PALM2AKAP2: variants seen among roughly 807,000 people sequenced by gnomAD.
PALM2AKAP2 encodes PALM2 and AKAP2 fusion.
A neutral mutation model predicts 71.5 loss-of-function variants in PALM2AKAP2; 37 were observed. The observed-to-expected ratio is 0.52, with a 90% CI of 0.40 to 0.68. The LOEUF (loss-of-function observed/expected upper bound fraction) is 0.68. Ranked by LOEUF, PALM2AKAP2 falls within the 30% of genes least tolerant of loss-of-function variation. The pLI, the probability that PALM2AKAP2 is intolerant of heterozygous loss-of-function variation, is 0.00. For synonymous variants in PALM2AKAP2, 468 were observed against 478.8 expected (o/e 0.98, Z 0.29); for missense variants, 1,224 against 1,191.8 (o/e 1.03, Z -0.40).
intron 1 of PALM2AKAP2, among the ~76,000 whole-genome samples, chr9:109,780,837 T>C (rs1432691430): frequency 6.6e-6 from 1 of 152,156 alleles, no homozygotes; most frequent in Non-Finnish European, 1.5e-5. Flanking sequence ...TCCAGGAATA[T>C]TATGACCGAA....
At position 109,764,806 on chromosome 9, in the gene PALM2AKAP2, G is replaced by T. The variant is rs535163188; in HGVS notation, c.6-15682G>T. 2.8e-5 allele frequency among the ~76,000 whole-genome samples: 3 copies of T among 106,238 alleles called. No homozygotes were observed. In the South Asian group the frequency reaches 1.1e-3, roughly 38 times the overall value. 69.7% of individuals were successfully genotyped at this position (106,238 alleles called of 152,430 possible). A position where few individuals can be genotyped will look rare whatever the true frequency, so the allele number is the denominator to read the frequency against. On this transcript the variant is annotated intron_variant, in intron 1 of 6. Coordinates refer to the PALM2AKAP2 transcript ENST00000374531. Reference sequence around the variant, plus strand: ...TGGGTAGATGAATGAACGGATAAAGGGATGAATATTTTTTAAAAAAAAGAA... The same window carrying T: ...TGGGTAGATGAATGAACGGATAAAGTGATGAATATTTTTTAAAAAAAAGAA...
At chr9:110,034,091 C>T (rs1287626381) in intron 7 of PALM2AKAP2, among the ~76,000 whole-genome samples, 3 of 152,200 alleles carry the variant, frequency 2.0e-5, no homozygotes, top group East Asian at 3.8e-4. Flanking sequence ...GTCCCCTAAC[C>T]ACAGTGCCAG....
chr9:109,684,081 G>A (rs577552751), intron 1 of PALM2AKAP2, among the ~76,000 whole-genome samples: 4 of 152,202 alleles, frequency 2.6e-5, no homozygotes, highest in African/African-American at 7.2e-5. Flanking sequence ...TTCTTTGCTT[G>A]TAGAAAGGGG....
At chr9:110,165,571 G>T (rs185527109) in intron 3 of PALM2AKAP2, among the ~76,000 whole-genome samples, 1 of 152,252 alleles carries the variant, frequency 6.6e-6, no homozygotes, top group East Asian at 1.9e-4. Flanking sequence ...GTAAGTGATT[G>T]TATGACCATG....
At chr9:109,715,781 A>G (rs1323535801) in intron 1 of PALM2AKAP2, among the ~76,000 whole-genome samples, 1 of 152,166 alleles carries the variant, frequency 6.6e-6, no homozygotes. Flanking sequence ...AGCCTATTTC[A>G]TATCCATTAG....
chr9:109,976,194 G>T (rs974296400), intron 6 of PALM2AKAP2, among the ~76,000 whole-genome samples: 2 of 152,188 alleles, frequency 1.3e-5, no homozygotes, highest in Non-Finnish European at 2.9e-5. Context: ...ACTACAGAGT[G>T]CCAGGCACTA....
At chr9:110,056,866 G>A (rs1266574079) in intron 1 of PALM2AKAP2, among the ~76,000 whole-genome samples, 3 of 152,174 alleles carry the variant, frequency 2.0e-5, no homozygotes, top group Non-Finnish European at 4.4e-5. Flanking sequence ...TTTATGGTAT[G>A]TTTCATTATC....
intron 1 of PALM2AKAP2, among the ~76,000 whole-genome samples, chr9:110,054,197 C>T (rs1012421664): frequency 2.6e-5 from 4 of 152,170 alleles, no homozygotes; most frequent in African/African-American, 4.8e-5. Context: ...GTCGGGAGTT[C>T]GAGACCAACC....
intron 1 of PALM2AKAP2, among the ~76,000 whole-genome samples, chr9:109,771,705 G>A (rs77338299): frequency 3.9e-3 from 591 of 152,256 alleles, no homozygotes; most frequent in African/African-American, 0.014. Context: ...GTGTAAGAAG[G>A]GCTCACTCTG....
At position 110,102,919 on chromosome 9, in the gene PALM2AKAP2, G is replaced by A. The variant is rs1835034310; in HGVS notation, c.157-33208G>A. On this transcript the variant is annotated intron_variant, in intron 1 of 3. Coordinates refer to ENST00000374525, the Ensembl canonical transcript of PALM2AKAP2. Reference sequence around the variant, plus strand: ...CTTTCTGCCTCTGCAGGACAGTTTTGTGTGTGCTCTGCATTTTCAGCTTCA... The same window carrying A: ...CTTTCTGCCTCTGCAGGACAGTTTTATGTGTGCTCTGCATTTTCAGCTTCA... 2.6e-5 allele frequency among the ~76,000 whole-genome samples: 4 copies of A among 152,132 alleles called. No homozygotes were observed. In the South Asian group the frequency reaches 8.3e-4, roughly 32 times the overall value.
chr9:109,773,377 T>C (rs1257763271), intron 1 of PALM2AKAP2, among the ~76,000 whole-genome samples: 2 of 152,086 alleles, frequency 1.3e-5, no homozygotes, highest in African/African-American at 4.8e-5. Context: ...CCTCAAGCTA[T>C]CCTCCCACTT....
chr9:109,868,092 CA>C (rs1170909014), intron 2 of PALM2AKAP2, among the ~76,000 whole-genome samples: 2 of 152,078 alleles, frequency 1.3e-5, no homozygotes, highest in Non-Finnish European at 2.9e-5. Flanking sequence ...TGTACTTTAA[CA>C]ATTTTGAAAG....
intron 1 of PALM2AKAP2, among the ~76,000 whole-genome samples, chr9:109,680,049 T>C (rs978682996): frequency 6.6e-6 from 1 of 152,210 alleles, no homozygotes; most frequent in African/African-American, 2.4e-5. Context: ...CTAATGTTAC[T>C]TTATATTTGG....
intron 6 of PALM2AKAP2, among the ~76,000 whole-genome samples, chr9:110,007,867 T>C (rs937000576): frequency 1.3e-5 from 2 of 152,182 alleles, no homozygotes; most frequent in Non-Finnish European, 2.9e-5. Flanking sequence ...TGGACAGCCA[T>C]GTAGATCTAA....
At chr9:109,896,768 G>T (rs1830212807) in intron 3 of PALM2AKAP2, among the ~76,000 whole-genome samples, 1 of 151,892 alleles carries the variant, frequency 6.6e-6, no homozygotes, top group South Asian at 2.1e-4. Context: ...CTATGATCAT[G>T]CCAGTGCACT....
At chr9:109,691,877 CACACATATAT>C (rs1488122451) in intron 1 of PALM2AKAP2, among the ~76,000 whole-genome samples, 1 of 49,468 alleles carries the variant, frequency 2.0e-5, no homozygotes, top group African/African-American at 6.6e-5. Flanking sequence ...TACACACACA[CACACATATAT>C]ATATATATAT....
intron 3 of PALM2AKAP2, among the ~76,000 whole-genome samples, chr9:109,886,095 A>G (rs1360961421): frequency 6.6e-6 from 1 of 152,252 alleles, no homozygotes; most frequent in Non-Finnish European, 1.5e-5. Context: ...AATTGTTGAA[A>G]GCAAAATCTG....
At chr9:109,782,693 G>A (rs1233117675) in intron 1 of PALM2AKAP2, among the ~76,000 whole-genome samples, 1 of 151,780 alleles carries the variant, frequency 6.6e-6, no homozygotes, top group Admixed American at 6.6e-5. Context: ...GGATACTGAG[G>A]GATGACTGTA....
At chr9:109,826,229 G>A (rs966478989) in intron 1 of PALM2AKAP2, among the ~76,000 whole-genome samples, 1 of 151,988 alleles carries the variant, frequency 6.6e-6, no homozygotes, top group African/African-American at 2.4e-5. Context: ...GTGGGGGTAG[G>A]GGGGAGGGAT....
Sources: gnomAD v4.1 joint callset for allele counts (sites outside exome capture counted in the v4.1 genomes callset) on GRCh38, gnomAD v4.1.1 for gene constraint, MANE v1.5 for transcripts, NCBI Gene and HGNC (gene_info 2026-07-23, HGNC 2026-07-21) for gene names.